COL27A1: variants seen among roughly 807,000 people sequenced by gnomAD.
COL27A1 encodes collagen type XXVII alpha 1 chain.
In COL27A1, 106 loss-of-function variants were observed where a neutral mutation model predicts 251.3. The observed-to-expected ratio is 0.42, with a 90% CI of 0.36 to 0.50. The LOEUF is 0.50. COL27A1 is among the 20% of genes least tolerant of loss of function. COL27A1 has a pLI of 0.00. For synonymous variants in COL27A1, 1,000 were observed against 986.3 expected, an observed-to-expected ratio of 1.01 and a Z score of -0.26; for missense variants, 2,325 against 2,522.8, an observed-to-expected ratio of 0.92 and a Z score of 1.68.
intron 7 of COL27A1, among the ~76,000 whole-genome samples, chr9:114,201,571 G>A (rs1178329967): frequency 6.6e-6 from 1 of 152,186 alleles, no homozygotes; most frequent in Non-Finnish European, 1.5e-5. Context: ...CCTAGAAATT[G>A]TATATCCCAA....
intron 28 of COL27A1, among the ~76,000 whole-genome samples, chr9:114,259,802 G>A (rs1274662571): frequency 6.6e-6 from 1 of 152,216 alleles, no homozygotes; most frequent in Non-Finnish European, 1.5e-5. Context: ...TGCAGGTGGT[G>A]CCGGCAGCCC....
At chr9:114,230,177 C>T (rs1341443521) in intron 14 of COL27A1, among the ~76,000 whole-genome samples, 1 of 152,148 alleles carries the variant, frequency 6.6e-6, no homozygotes, top group Non-Finnish European at 1.5e-5. Context: ...GGTCTGCTGT[C>T]CACTGGGTGG....
chr9:114,206,043 G>A (rs893207702), intron 9 of COL27A1, among the ~76,000 whole-genome samples: 1 of 152,158 alleles, frequency 6.6e-6, no homozygotes. Flanking sequence ...GGGCTCCAGA[G>A]GCTCCTCCTA....
intron 49 of COL27A1, 26 bp from the exon 50 acceptor site, chr9:114,300,029 CATGAGCTCACTCGCT>C (rs1281400799): frequency 6.2e-7 from 1 of 1,609,278 alleles, no homozygotes; most frequent in South Asian, 1.1e-5. Flanking sequence ...ACACGCTGAC[CATGAGCTCACTCGCT>C]CCATCACTTC....
intron 56 of COL27A1, among the ~76,000 whole-genome samples, chr9:114,303,395 C>T (rs572221309): frequency 7.9e-4 from 120 of 152,130 alleles, no homozygotes; most frequent in Non-Finnish European, 1.3e-3. Flanking sequence ...CGAACCACCA[C>T]GCACAGCTAA....
chr9:114,210,821 C>T (rs142293279), intron 11 of COL27A1, among the ~76,000 whole-genome samples, 161 bp from the exon 12 acceptor site: 309 of 152,392 alleles, frequency 2.0e-3, no homozygotes, highest in Middle Eastern at 3.4e-3. Flanking sequence ...CCGACCCTGC[C>T]ATCCGTCTGA....
chr9:114,188,221 C>T (rs1828520959), intron 5 of COL27A1, among the ~76,000 whole-genome samples: 1 of 152,166 alleles, frequency 6.6e-6, no homozygotes. Context: ...AATTAAGAGG[C>T]AGAGTATGCA....
chr9:114,259,675 C>T lies in COL27A1; in HGVS notation c.3195+1081C>T, dbSNP rs561398104. Among the ~76,000 whole-genome samples the T allele has an allele frequency of 2.0e-5, 3 of 152,254 alleles. No homozygotes were observed. The East Asian group carries it at 5.8e-4, about 29-fold the overall frequency. On this transcript the variant is annotated intron_variant, in intron 28 of 60. Transcript: ENST00000356083. ...GAACCCAGGGAATCTGGCTCATTTG[C>T]ATACTGAATTCAGCCTTATTTTCAA...
At position 114,167,980 on chromosome 9, in the gene COL27A1, G is replaced by A. The variant is rs776665987; in HGVS notation, c.425G>A (p.Arg142Gln). 25 of 1,605,240 alleles carry A rather than the reference G, an allele frequency of 1.6e-5. No homozygotes were observed. Among genetic ancestry groups the A allele is most frequent in the Middle Eastern group, 3.3e-4 (2 of 6,084 alleles). ...AAGACGGTCGTCCACCTCGGGTCCC[G>A]GCGCTCAGTGGCCTTCGACCTCGAC... ...PGKTVVHLGS[R>Q]RSVAFDLDMH... The change falls in exon 3 of 61, where the codon CGG (arginine) becomes CAG (glutamine). Residue 142 changes from arginine to glutamine, a missense_variant. Transcript: ENST00000356083.
At chr9:114,161,637 C>T (rs1848499122) in intron 1 of COL27A1, among the ~76,000 whole-genome samples, 1 of 152,216 alleles carries the variant, frequency 6.6e-6, no homozygotes, top group Non-Finnish European at 1.5e-5. Flanking sequence ...CTGTCTGTCC[C>T]AGCCTTAGCC....
intron 2 of COL27A1, 46 bp from the exon 3 acceptor site, chr9:114,167,643 G>A (rs1332281749): frequency 2.0e-6 from 3 of 1,522,472 alleles, no homozygotes; most frequent in Admixed American, 3.6e-5. Context: ...GGGGTGGGCT[G>A]GAGCAGGCCC....
At chr9:114,176,838 T>A (rs945963179) in intron 3 of COL27A1, among the ~76,000 whole-genome samples, 1 of 152,196 alleles carries the variant, frequency 6.6e-6, no homozygotes, top group African/African-American at 2.4e-5. Context: ...CTCCTCTGAT[T>A]TTTATTCATG....
At chr9:114,307,234 TG>T (rs965064988) in intron 58 of COL27A1, 1 of 175,284 alleles carries the variant, frequency 5.7e-6, no homozygotes, top group Non-Finnish European at 1.2e-5. Context: ...AGAAGCCCAG[TG>T]GGGAAGCTAG....
Position 114,288,957 on chromosome 9 carries a change from A to T in COL27A1, c.4142A>T (p.Gln1381Leu). The change falls in exon 44 of 61, where the codon CAG becomes CTG. Residue 1381 changes from glutamine to leucine, a missense_variant. Gln to Leu is a moderately radical substitution (Grantham distance 113). Coordinates refer to ENST00000356083, the MANE Select transcript of COL27A1 (RefSeq NM_032888.4). ...GGCCTCCGTGGAAAGCCAGGCCAGC[A>T]GGGCCAACCCGTGAGTGGTGCTTCG... ...VQGLRGKPGQQGQPGHPGPRG... is the reference protein window; with the variant it reads ...VQGLRGKPGQLGQPGHPGPRG... 1 of 1,613,738 alleles carries T rather than the reference A, an allele frequency of 6.2e-7. No homozygotes were observed. The highest frequency in any genetic ancestry group is 1.7e-5 in the Admixed American group (1 of 60,022).
At chr9:114,299,977 G>A (rs1828503080) in intron 49 of COL27A1, 93 bp from the exon 50 acceptor site, 1 of 1,180,198 alleles carries the variant, frequency 8.5e-7, no homozygotes, top group Admixed American at 1.7e-5. Context: ...GGAAAGGCTG[G>A]GAGGGAAAAG....
chr9:114,231,942 A>T, intron 16 of COL27A1, 76 bp downstream of exon 16: 2 of 1,448,694 alleles, frequency 1.4e-6, no homozygotes, highest in South Asian at 2.3e-5. Flanking sequence ...GCTGCTGCTG[A>T]TTTCTCGCCA....
chr9:114,178,739 C>T (rs3827676), intron 4 of COL27A1, among the ~76,000 whole-genome samples: 59,145 of 151,894 alleles, frequency 0.39, 12,298 homozygotes, highest in East Asian at 0.59. Context: ...GGGGTGCGGA[C>T]ATAGGTACCT....
At chr9:114,195,906 G>C in intron 6 of COL27A1, 53 bp from the exon 7 acceptor site, 2 of 1,296,952 alleles carry the variant, frequency 1.5e-6, no homozygotes, top group Non-Finnish European at 1.1e-6. Context: ...GAGTGTAGCA[G>C]AGTGTCTCTG....
At position 114,306,670 on chromosome 9, in the gene COL27A1, G is replaced by A. The variant is rs748574112; in HGVS notation, c.5089G>A (p.Glu1697Lys). Reference protein sequence around the residue: ...ARVCRDLMDCEQKMVDGTYWV... With the variant: ...ARVCRDLMDCKQKMVDGTYWV... ...GGTCTGCAGGGACCTCATGGACTGT[G>A]AGCAGAAGATGGTGGATGGTGAGAA... The change falls in exon 58 of 61, where the codon GAG becomes AAG. Residue 1697 changes from glutamate to lysine, a missense_variant. This residue lies in a region of COL27A1 where 327 missense variants were observed against 442.8 expected (regional missense o/e 0.74). Coordinates refer to ENST00000356083, the MANE Select transcript of COL27A1 (RefSeq NM_032888.4). 9 of 1,613,802 alleles carry A rather than the reference G, an allele frequency of 5.6e-6. No homozygotes were observed. In the East Asian group the frequency reaches 1.3e-4, roughly 24 times the overall value.
Sources: allele counts gnomAD v4.1 joint callset (sites outside exome capture counted in the v4.1 genomes callset), GRCh38; gene constraint gnomAD v4.1.1; regional missense constraint gnomAD v4.1.1; transcripts MANE v1.5; gene names NCBI Gene and HGNC (gene_info 2026-07-23, HGNC 2026-07-21).